Variants in IRAK3 observed in about 807,000 individuals in gnomAD.
IRAK3 encodes interleukin-1 receptor-associated kinase 3.
In IRAK3, 57 loss-of-function variants were observed where a neutral mutation model predicts 56.6. The ratio of observed to expected loss-of-function variants is 1.01; its 90% CI spans 0.81 to 1.26. The LOEUF (loss-of-function observed/expected upper bound fraction) is 1.26, where lower values mean the gene tolerates loss of function less well. IRAK3 is among the 50% of genes most tolerant of loss of function. The pLI, the probability that IRAK3 is intolerant of heterozygous loss-of-function variation, is 0.00. For missense variants in IRAK3, 703 were observed against 719.0 expected (o/e 0.98, Z 0.25); for synonymous variants, 258 against 255.7 (o/e 1.01, Z -0.09).
chr12:66,199,602 C>G (rs1180862237), intron 1 of IRAK3, among the ~76,000 whole-genome samples: 2 of 152,176 alleles, frequency 1.3e-5, no homozygotes, highest in African/African-American at 4.8e-5. Flanking sequence ...CTCCAGAAAG[C>G]CTTCCCTGCT....
chr12:66,219,007 C>T (rs2052704638), intron 6 of IRAK3, among the ~76,000 whole-genome samples: 1 of 151,896 alleles, frequency 6.6e-6, no homozygotes, highest in South Asian at 2.1e-4. Flanking sequence ...GGATTTTCTT[C>T]TTTTTATGGC....
intron 7 of IRAK3, among the ~76,000 whole-genome samples, chr12:66,227,608 A>G (rs2052800163): frequency 1.8e-5 from 1 of 56,328 alleles, no homozygotes. Flanking sequence ...TAAATAAACA[A>G]ACAAACTGCT....
intron 4 of IRAK3, among the ~76,000 whole-genome samples, chr12:66,210,793 A>G (rs1592583412): frequency 2.6e-5 from 4 of 152,228 alleles, no homozygotes; most frequent in East Asian, 3.8e-4. Context: ...TTCTTCAACA[A>G]TAAGGTCTAA....
At position 66,235,067 on chromosome 12, in the gene IRAK3, T is replaced by C. The variant is rs772967649; in HGVS notation, c.887+6697T>C. 2.2e-4 allele frequency: 352 copies of C among 1,613,276 alleles called. 1 individual carries two copies. The highest frequency in any genetic ancestry group is 5.7e-4 in the Admixed American group (34 of 60,004). ...TGGTTGACAGAGCTTCACCAGGTCCTGGTCGGTGGTGTGGGGAGGCAGTCC... is the reference window on the plus strand; with the variant it reads ...TGGTTGACAGAGCTTCACCAGGTCCCGGTCGGTGGTGTGGGGAGGCAGTCC... On this transcript the variant is annotated intron_variant, in intron 8 of 11. Coordinates refer to ENST00000261233, the MANE Select transcript of IRAK3 (RefSeq NM_007199.3).
At chr12:66,228,112 T>A in intron 7 of IRAK3, 140 bp from the exon 8 acceptor site, 2 of 743,694 alleles carry the variant, frequency 2.7e-6, no homozygotes, top group Non-Finnish European at 2.5e-6. Context: ...AAAAATAGGT[T>A]TTGGAAAACC....
At chr12:66,198,798 C>G (rs1297492215) in intron 1 of IRAK3, among the ~76,000 whole-genome samples, 1 of 150,536 alleles carries the variant, frequency 6.6e-6, no homozygotes, top group Non-Finnish European at 1.5e-5. Flanking sequence ...CTCTGTCACC[C>G]AGGCTGGACT....
At position 66,245,068 on chromosome 12, in the gene IRAK3, T is replaced by C. The variant is rs2053013585; in HGVS notation, c.1150-30T>C. 4 of 1,614,008 alleles carry C rather than the reference T, an allele frequency of 2.5e-6. No homozygotes were observed. The East Asian group carries it at 8.9e-5, about 36-fold the overall frequency. On this transcript the variant is annotated intron_variant, in intron 10 of 11. Coordinates refer to ENST00000261233, the MANE Select transcript of IRAK3 (RefSeq NM_007199.3). ...TTGGTCATTTTTTGATCAAGTTCTCTGTGATAAAATTGTCTCCCTCTCTTC... is the reference window on the plus strand; with the variant it reads ...TTGGTCATTTTTTGATCAAGTTCTCCGTGATAAAATTGTCTCCCTCTCTTC...
At chr12:66,218,790 A>G (rs550193862) in intron 6 of IRAK3, among the ~76,000 whole-genome samples, 1 of 152,338 alleles carries the variant, frequency 6.6e-6, no homozygotes, top group East Asian at 1.9e-4. Flanking sequence ...TCATTGTACA[A>G]TGGAAAGGTT....
intron 8 of IRAK3, chr12:66,234,500 G>A: frequency 6.2e-7 from 1 of 1,611,836 alleles, no homozygotes; most frequent in Non-Finnish European, 8.5e-7. Context: ...GTTTTGTATA[G>A]CAGCTGTAGT....
intron 2 of IRAK3, among the ~76,000 whole-genome samples, chr12:66,206,091 A>T (rs768594857): frequency 6.8e-6 from 1 of 147,238 alleles, no homozygotes; most frequent in Non-Finnish European, 1.5e-5. Flanking sequence ...TAAGAGAGAC[A>T]TTTTCAATCT....
chr12:66,234,730 C>T, intron 8 of IRAK3: 2 of 1,598,936 alleles, frequency 1.3e-6, no homozygotes, highest in East Asian at 2.2e-5. Flanking sequence ...CTGTTGATTC[C>T]GTCCTAGCAA....
chr12:66,225,382 TATGTATAC>T (rs1383224136), intron 6 of IRAK3, among the ~76,000 whole-genome samples: 3 of 151,840 alleles, frequency 2.0e-5, no homozygotes, highest in Non-Finnish European at 4.4e-5. Flanking sequence ...TGTGTGTGTG[TATGTATAC>T]ATACACACAC....
chr12:66,210,375 G>A lies in IRAK3; in HGVS notation c.436+174G>A, dbSNP rs186681392. 2.8e-4 allele frequency among the ~76,000 whole-genome samples: 43 copies of A among 152,238 alleles called. No homozygotes were observed. The East Asian group carries it at 7.3e-3, about 26-fold the overall frequency. On this transcript the variant is annotated intron_variant, in intron 4 of 11. Coordinates refer to ENST00000261233, the MANE Select transcript of IRAK3 (RefSeq NM_007199.3). The stretch of plus-strand genomic sequence containing the variant: ...TTGATTGACACTTATAGTTCTAATA[G>A]ATGATATGTTATTATGTTAAGGCTC...
At chr12:66,209,008 G>A in intron 2 of IRAK3, among the ~76,000 whole-genome samples, 1 of 148,732 alleles carries the variant, frequency 6.7e-6, no homozygotes, top group East Asian at 2.0e-4. Flanking sequence ...TGGAGGCAGA[G>A]ATTGCAATGA....
In IRAK3 at chr12:66,245,084, C is replaced by G. The variant is rs1161040787; in HGVS notation, c.1150-14C>G. 8 of 1,614,092 alleles carry G rather than the reference C, an allele frequency of 5.0e-6. No individual in the cohort carries two copies. Among genetic ancestry groups the G allele is most frequent in the African/African-American group, 1.3e-5 (1 of 75,018 alleles). On this transcript the variant is annotated splice_polypyrimidine_tract_variant and intron_variant, in intron 10 of 11. Coordinates refer to ENST00000261233, the MANE Select transcript of IRAK3 (RefSeq NM_007199.3). Reference sequence around the variant, plus strand: ...CAAGTTCTCTGTGATAAAATTGTCTCCCTCTCTTCCAAGCGGGATCTCCTT... The same window carrying G: ...CAAGTTCTCTGTGATAAAATTGTCTGCCTCTCTTCCAAGCGGGATCTCCTT...
rs906398834 is a variant in IRAK3, at chr12:66,244,746, G to T, written c.1086+62G>T. The T allele has an allele frequency of 5.5e-6, 8 of 1,459,278 alleles. No individual in the cohort carries two copies. The African/African-American group carries it at 1.1e-4, about 20-fold the overall frequency. The allele number at this position is 1,459,278 out of a possible 1,614,324, so 90.4% of individuals were successfully genotyped here. A position where few individuals can be genotyped will look rare whatever the true frequency, so the allele number is the denominator to read the frequency against. On this transcript the variant is annotated intron_variant, in intron 9 of 11. Coordinates refer to ENST00000261233, the MANE Select transcript of IRAK3 (RefSeq NM_007199.3). ...TTGCCAAGAATGTTCTAGATTCTAAGAATTTTTTAAAGAGTTTTAACTTTT... is the reference window on the plus strand; with the variant it reads ...TTGCCAAGAATGTTCTAGATTCTAATAATTTTTTAAAGAGTTTTAACTTTT...
intron 2 of IRAK3, among the ~76,000 whole-genome samples, chr12:66,205,042 T>A (rs936173769): frequency 2.0e-5 from 3 of 152,164 alleles, no homozygotes; most frequent in African/African-American, 7.2e-5. Flanking sequence ...ATTCAGTGAG[T>A]CCCTGGGAAC....
chr12:66,223,878 C>T (rs1555204034), intron 6 of IRAK3, among the ~76,000 whole-genome samples: 1 of 151,258 alleles, frequency 6.6e-6, no homozygotes, highest in Non-Finnish European at 1.5e-5. Flanking sequence ...TTGCACCAAT[C>T]TAATAAAATA....
intron 2 of IRAK3, among the ~76,000 whole-genome samples, chr12:66,205,219 G>A: frequency 6.6e-6 from 1 of 152,176 alleles, no homozygotes; most frequent in East Asian, 1.9e-4. Flanking sequence ...CACTCTCTAT[G>A]TTGTTTATTT....
Sources: gnomAD v4.1 joint callset for allele counts (sites outside exome capture counted in the v4.1 genomes callset) on GRCh38, gnomAD v4.1.1 for gene constraint, MANE v1.5 for transcripts, NCBI Gene and HGNC (gene_info 2026-07-23, HGNC 2026-07-21) for gene names.